Variants in ASIC2 observed in about 807,000 individuals in gnomAD.
ASIC2 encodes acid sensing ion channel subunit 2.
In ASIC2, 25 loss-of-function variants were observed where a neutral mutation model predicts 57.3. The observed-to-expected ratio is 0.44, with a 90% CI of 0.32 to 0.61. The LOEUF (loss-of-function observed/expected upper bound fraction) is 0.61, where lower values mean the gene tolerates loss of function less well. Ranked by LOEUF, ASIC2 falls within the 20% of genes least tolerant of loss-of-function variation. The pLI, the probability that ASIC2 is intolerant of heterozygous loss-of-function variation, is 0.06. For missense variants in ASIC2, 641 were observed against 738.1 expected (o/e 0.87, Z 1.52); for synonymous variants, 319 against 307.5 (o/e 1.04, Z -0.39).
At chr17:34,060,035 A>C (rs1281681050) in intron 1 of ASIC2, among the ~76,000 whole-genome samples, 1 of 152,256 alleles carries the variant, frequency 6.6e-6, no homozygotes, top group Non-Finnish European at 1.5e-5. Context: ...CAGGGGGCCA[A>C]CCAGCACAAA....
At chr17:33,433,202 A>G (rs1232377116) in intron 1 of ASIC2, among the ~76,000 whole-genome samples, 1 of 152,220 alleles carries the variant, frequency 6.6e-6, no homozygotes, top group Non-Finnish European at 1.5e-5. Flanking sequence ...CATATATACC[A>G]TGGAATATTA....
intron 1 of ASIC2, among the ~76,000 whole-genome samples, chr17:34,047,275 G>A (rs1330624178): frequency 6.6e-6 from 1 of 151,990 alleles, no homozygotes; most frequent in Non-Finnish European, 1.5e-5. Flanking sequence ...ACTTTGTGAA[G>A]TAACAAATCA....
intron 1 of ASIC2, among the ~76,000 whole-genome samples, chr17:34,099,672 G>GA (rs1241697047): frequency 7.2e-6 from 1 of 138,806 alleles, no homozygotes; most frequent in African/African-American, 2.8e-5. Flanking sequence ...AGGAAAGAAA[G>GA]AAAGAAAGAA....
intron 1 of ASIC2, among the ~76,000 whole-genome samples, chr17:33,119,045 AAAC>A (rs1331816578): frequency 1.3e-5 from 2 of 152,148 alleles, no homozygotes; most frequent in Non-Finnish European, 2.9e-5. Context: ...TTAATAGTGC[AAAC>A]AACATTTCTA....
chr17:33,226,392 G>A (rs897213972), intron 1 of ASIC2, among the ~76,000 whole-genome samples: 2 of 152,156 alleles, frequency 1.3e-5, no homozygotes, highest in South Asian at 4.1e-4. Context: ...AAGATGAATA[G>A]GAGTTTTTTA....
chr17:33,792,004 C>T (rs575709832), intron 1 of ASIC2: 1 of 152,042 alleles, frequency 6.6e-6, no homozygotes, highest in South Asian at 2.1e-4. Context: ...GAGACGGGGT[C>T]TCGTCACGTT....
At chr17:33,724,438 G>C (rs985371051) in intron 1 of ASIC2, among the ~76,000 whole-genome samples, 1 of 152,206 alleles carries the variant, frequency 6.6e-6, no homozygotes, top group Admixed American at 6.5e-5. Context: ...GCTGCGTGAA[G>C]AGTAGACATT....
intron 1 of ASIC2, among the ~76,000 whole-genome samples, chr17:33,376,614 G>A (rs1424932193): frequency 6.6e-6 from 1 of 152,106 alleles, no homozygotes; most frequent in African/African-American, 2.4e-5. Flanking sequence ...TGAATTAAAA[G>A]CAAGGAAATT....
At chr17:33,864,504 C>G (rs1036012963) in intron 1 of ASIC2, among the ~76,000 whole-genome samples, 7 of 152,198 alleles carry the variant, frequency 4.6e-5, no homozygotes, top group African/African-American at 1.7e-4. Flanking sequence ...TTCAGCCACA[C>G]ATGGCCCTTT....
chr17:33,060,879 C>T (rs2092017961), intron 3 of ASIC2, among the ~76,000 whole-genome samples: 1 of 152,186 alleles, frequency 6.6e-6, no homozygotes, highest in African/African-American at 2.4e-5. Context: ...TCCTTCTCAT[C>T]CCTTGTAAGT....
At chr17:33,772,603 A>G (rs1911145982) in intron 1 of ASIC2, among the ~76,000 whole-genome samples, 1 of 152,234 alleles carries the variant, frequency 6.6e-6, no homozygotes, top group Non-Finnish European at 1.5e-5. Flanking sequence ...ATACCTATAT[A>G]TACATATGTG....
chr17:34,147,278 C>G (rs1376482937), intron 1 of ASIC2, among the ~76,000 whole-genome samples: 1 of 152,178 alleles, frequency 6.6e-6, no homozygotes, highest in Non-Finnish European at 1.5e-5. Context: ...ATTACCTTCC[C>G]AAAGGTTGTG....
chr17:33,559,375 C>G (rs1916004124), intron 1 of ASIC2, among the ~76,000 whole-genome samples: 1 of 152,212 alleles, frequency 6.6e-6, no homozygotes, highest in Non-Finnish European at 1.5e-5. Context: ...ATTCCTGCTT[C>G]TGGTCAGTGG....
intron 1 of ASIC2, among the ~76,000 whole-genome samples, chr17:33,907,105 G>T (rs942889823): frequency 6.6e-6 from 1 of 152,154 alleles, no homozygotes; most frequent in Non-Finnish European, 1.5e-5. Context: ...TAGAAGCAGG[G>T]AGTCAGGATC....
chr17:33,799,478 CCTTCT>C (rs1452997498), intron 1 of ASIC2, among the ~76,000 whole-genome samples: 4 of 130,052 alleles, frequency 3.1e-5, no homozygotes, highest in East Asian at 2.3e-4. Flanking sequence ...TTCTTTCTTT[CCTTCT>C]TTCTTTCTTT....
intron 1 of ASIC2, among the ~76,000 whole-genome samples, chr17:34,077,182 G>A (rs1598010943): frequency 6.6e-6 from 1 of 152,156 alleles, no homozygotes; most frequent in Admixed American, 6.5e-5. Flanking sequence ...CAGTGGAGAC[G>A]TGATGAGTCT....
intron 1 of ASIC2, among the ~76,000 whole-genome samples, chr17:33,742,534 A>C (rs1597857949): frequency 6.6e-6 from 1 of 152,236 alleles, no homozygotes; most frequent in South Asian, 2.1e-4. Context: ...AGTGTCTTCT[A>C]TAATGTGGAT....
At chr17:33,987,040 G>A (rs181596827) in intron 1 of ASIC2, among the ~76,000 whole-genome samples, 1 of 152,264 alleles carries the variant, frequency 6.6e-6, no homozygotes, top group Admixed American at 6.5e-5. Context: ...ATTAATCTAA[G>A]CATTTTACAT....
intron 1 of ASIC2, among the ~76,000 whole-genome samples, chr17:33,428,102 C>A (rs1436993791): frequency 6.6e-6 from 1 of 152,196 alleles, no homozygotes; most frequent in African/African-American, 2.4e-5. Context: ...TCATAGGATA[C>A]CCTGAGCCTA....
Sources: gnomAD v4.1 joint callset for allele counts (sites outside exome capture counted in the v4.1 genomes callset) on GRCh38, gnomAD v4.1.1 for gene constraint, MANE v1.5 for transcripts, NCBI Gene and HGNC (gene_info 2026-07-23, HGNC 2026-07-21) for gene names.